Variants in PITPNM2 observed in about 807,000 individuals in gnomAD.
The protein encoded by PITPNM2 is phosphatidylinositol transfer protein membrane associated 2.
In PITPNM2, 35 loss-of-function variants were observed where a neutral mutation model predicts 132.2. The observed-to-expected ratio is 0.26, with a 90% CI of 0.20 to 0.35. The LOEUF is 0.35. Among genes scored for constraint, PITPNM2 ranks in the 10% least tolerant of loss-of-function variants. The pLI is 1.00. For synonymous variants in PITPNM2, 738 were observed against 799.2 expected, an observed-to-expected ratio of 0.92 and a Z score of 1.29; for missense variants, 1,332 against 1,912.0, an observed-to-expected ratio of 0.70 and a Z score of 5.66.
intron 2 of PITPNM2, among the ~76,000 whole-genome samples, chr12:123,059,702 TAAGA>T (rs1476768628): frequency 6.6e-6 from 1 of 152,102 alleles, no homozygotes; most frequent in Non-Finnish European, 1.5e-5. Flanking sequence ...AGGCAGAGCC[TAAGA>T]AAGGGCCCAG....
intron 2 of PITPNM2, among the ~76,000 whole-genome samples, chr12:123,045,545 G>C (rs2040624274): frequency 6.6e-6 from 1 of 152,204 alleles, no homozygotes; most frequent in Non-Finnish European, 1.5e-5. Context: ...CTGGGACTGA[G>C]TTTTTCCCTG....
intron 1 of PITPNM2, among the ~76,000 whole-genome samples, chr12:123,147,649 C>A (rs1205220474): frequency 1.3e-5 from 2 of 152,060 alleles, no homozygotes; most frequent in Admixed American, 6.6e-5. Context: ...GACAGAATAT[C>A]ACATTGTGTG....
chr12:123,028,067 G>A (rs987440829), intron 3 of PITPNM2, among the ~76,000 whole-genome samples: 1 of 152,196 alleles, frequency 6.6e-6, no homozygotes, highest in Non-Finnish European at 1.5e-5. Flanking sequence ...GCTCCCCAGG[G>A]GCTAACGAAG....
At chr12:123,017,099 G>A (rs906608482) in intron 3 of PITPNM2, among the ~76,000 whole-genome samples, 1 of 150,882 alleles carries the variant, frequency 6.6e-6, no homozygotes, top group African/African-American at 2.4e-5. Context: ...GGGCAGGCAT[G>A]GTGGCTCACT....
Position 123,128,264 on chromosome 12 carries a change from C to CA in PITPNM2, c.-199-17777dup, listed in dbSNP as rs1170397011. ...TAAACATGGCGAAACCCCATCTCTA[C>CA]AAAAAAAAAAAAAAAAAAAAAAAAA... On this transcript the variant is annotated intron_variant, in intron 1 of 25. Transcript: ENST00000320201. Among the ~76,000 whole-genome samples, 51 of 22,758 alleles carry CA rather than the reference C, an allele frequency of 2.2e-3. 18 individuals are homozygous for CA. The highest frequency in any genetic ancestry group is 2.6e-3 in the Non-Finnish European group (33 of 12,890). The allele number at this position is 22,758 out of a possible 152,430, so 14.9% of individuals were successfully genotyped here.
intron 3 of PITPNM2, among the ~76,000 whole-genome samples, chr12:123,016,329 T>C (rs2039423553): frequency 6.7e-6 from 1 of 150,072 alleles, no homozygotes. Context: ...CTGTCTTTTT[T>C]TTTTTGATAT....
intron 3 of PITPNM2, among the ~76,000 whole-genome samples, chr12:123,018,030 TCCTTCCTCCCTC>T (rs1201908996): frequency 1.9e-4 from 24 of 125,134 alleles, no homozygotes; most frequent in African/African-American, 9.0e-4. Flanking sequence ...CTTCCTTCCT[TCCTTCCTCCCTC>T]CCTCCCTCCC....
chr12:122,985,879 G>C lies in PITPNM2; in HGVS notation c.*148C>G. 1 of 725,756 alleles carries C rather than the reference G, an allele frequency of 1.4e-6. No homozygotes were observed. The highest frequency in any genetic ancestry group is 2.0e-6 in the Non-Finnish European group (1 of 501,624). 45.0% of individuals were successfully genotyped at this position (725,756 alleles called of 1,614,324 possible). A position where few individuals can be genotyped will look rare whatever the true frequency, so the allele number is the denominator to read the frequency against. On this transcript the variant is annotated 3_prime_UTR_variant, in exon 26 of 26. Transcript: ENST00000320201. ...CCGAGGACGTGAGGCAGGGCAGGGAGCACTGTGTGGTGCGGCCCGTGTCCT... is the reference window on the plus strand; with the variant it reads ...CCGAGGACGTGAGGCAGGGCAGGGACCACTGTGTGGTGCGGCCCGTGTCCT...
In PITPNM2 at chr12:123,106,886, C is replaced by T. The variant is rs1593019607; in HGVS notation, c.-96+3499G>A. ...ATCACAGACCTAAACCTCACAGGGA[C>T]GGACAGGCCTGCATTCCCATGTGGG... On this transcript the variant is annotated intron_variant, in intron 2 of 25. Transcript: ENST00000320201. This position sits in a 1 kb window ranked among gnomAD's most constrained non-coding sequence, Gnocchi z 4.4. Among the ~76,000 whole-genome samples, 3 of 152,220 alleles carry T rather than the reference C, an allele frequency of 2.0e-5. No homozygotes were observed. The highest frequency in any genetic ancestry group is 1.3e-4 in the Admixed American group (2 of 15,284).
At chr12:122,998,708 TG>T (rs1002900155) in intron 10 of PITPNM2, among the ~76,000 whole-genome samples, 3 of 119,798 alleles carry the variant, frequency 2.5e-5, no homozygotes, top group Non-Finnish European at 4.9e-5. Flanking sequence ...GGGCTTGTGG[TG>T]GGGACAGCTG....
At chr12:123,129,796 T>C (rs2043223432) in intron 1 of PITPNM2, among the ~76,000 whole-genome samples, 1 of 151,874 alleles carries the variant, frequency 6.6e-6, no homozygotes, top group Non-Finnish European at 1.5e-5. Flanking sequence ...AGTTCTTGCC[T>C]ACAGAGGAAA....
chr12:122,997,877 T>C (rs61955214), intron 10 of PITPNM2, among the ~76,000 whole-genome samples: 81,038 of 151,930 alleles, frequency 0.53, 25,329 homozygotes, highest in Non-Finnish European at 0.68. Context: ...AGGGAGGGAG[T>C]CCATTCCTTT....
At chr12:123,048,498 T>G in intron 2 of PITPNM2, among the ~76,000 whole-genome samples, 1 of 152,054 alleles carries the variant, frequency 6.6e-6, no homozygotes, top group Non-Finnish European at 1.5e-5. Context: ...CTGCAAGCTC[T>G]GCTTCCCCGG....
intron 2 of PITPNM2, among the ~76,000 whole-genome samples, chr12:123,080,617 C>T (rs774813333): frequency 1.3e-5 from 2 of 152,246 alleles, no homozygotes; most frequent in Non-Finnish European, 2.9e-5. Flanking sequence ...CACAAGTGGG[C>T]CTCCAGCCTC....
rs1253676377 is a variant in PITPNM2 at position 122,985,135 on chromosome 12, G to A, written c.*892C>T. ...CAGGCTGGACTCCGTCACAGTGCTG[G>A]GTGTTTTCAGTGTGGAGGGGCTGCT... is the stretch of plus-strand genomic sequence containing the variant. On this transcript the variant is annotated 3_prime_UTR_variant, in exon 26 of 26. Coordinates refer to ENST00000320201, the MANE Select transcript of PITPNM2 (RefSeq NM_020845.3). 2 of 152,540 alleles carry A rather than the reference G, an allele frequency of 1.3e-5. No individual in the cohort carries two copies. Among genetic ancestry groups the A allele is most frequent in the Admixed American group, 1.3e-4 (2 of 15,280 alleles). The allele number at this position is 152,540 out of a possible 1,614,324, so 9.4% of individuals were successfully genotyped here.
intron 1 of PITPNM2, among the ~76,000 whole-genome samples, chr12:123,141,965 TCAGA>T (rs2043515358): frequency 1.3e-5 from 2 of 152,280 alleles, no homozygotes; most frequent in East Asian, 3.9e-4. Flanking sequence ...TGCTGGAAAG[TCAGA>T]CAGAACATTC....
At chr12:123,041,783 C>T (rs1379557239) in intron 2 of PITPNM2, among the ~76,000 whole-genome samples, 1 of 152,140 alleles carries the variant, frequency 6.6e-6, no homozygotes, top group Admixed American at 6.5e-5. Flanking sequence ...GGAGGAAGGC[C>T]AGGCAAGGGG....
At chr12:122,991,759 G>C (rs767976738) in intron 16 of PITPNM2, 1 of 1,297,252 alleles carries the variant, frequency 7.7e-7, no homozygotes, top group Non-Finnish European at 9.8e-7. Context: ...ACACACACTC[G>C]GCACAGCCCG....
chr12:123,079,781 T>C (rs577261354), intron 2 of PITPNM2, among the ~76,000 whole-genome samples: 1 of 152,336 alleles, frequency 6.6e-6, no homozygotes. Flanking sequence ...AAAATACATA[T>C]AACACAAAAT....
Sources: gnomAD v4.1 joint callset for allele counts (sites outside exome capture counted in the v4.1 genomes callset) on GRCh38, gnomAD v4.1.1 for gene constraint, Gnocchi (gnomAD v3.1) non-coding constraint, MANE v1.5 for transcripts, NCBI Gene and HGNC (gene_info 2026-07-23, HGNC 2026-07-21) for gene names.